The following LINGO1 variants were observed in gnomAD, a reference collection of about 807,000 sequenced individuals.
LINGO1 encodes the protein leucine-rich repeat and immunoglobulin-like domain-containing nogo receptor-interacting protein 1.
LINGO1 carries 11 observed loss-of-function variants against 37.3 expected under a neutral mutation model. That is an observed-to-expected ratio of 0.29 (90% CI 0.19 to 0.49). The LOEUF is 0.49. Among genes scored for constraint, LINGO1 ranks in the 20% least tolerant of loss-of-function variants. The pLI, the probability that LINGO1 is intolerant of heterozygous loss-of-function variation, is 0.99. For missense variants in LINGO1, 585 were observed against 878.2 expected, an observed-to-expected ratio of 0.67 and a Z score of 4.22; for synonymous variants, 387 against 403.0, an observed-to-expected ratio of 0.96 and a Z score of 0.48.
At chr15:77,754,613 G>A (rs2076402426) in intron 1 of LINGO1, among the ~76,000 whole-genome samples, 1 of 152,238 alleles carries the variant, frequency 6.6e-6, no homozygotes. Flanking sequence ...AGTGCGCAGT[G>A]GGTGGCAGTC....
intron 2 of LINGO1, among the ~76,000 whole-genome samples, chr15:77,793,631 A>T (rs2141448764): frequency 6.6e-6 from 1 of 152,368 alleles, no homozygotes; most frequent in East Asian, 1.9e-4. Flanking sequence ...GAACATCAGA[A>T]ACCATCAAAA....
At position 77,632,315 on chromosome 15, in the gene LINGO1, TCTCGGGCGCGC is replaced by T; in HGVS notation, c.-11_-1del. On this transcript the variant is annotated 5_prime_UTR_variant, in exon 1 of 2. Transcript: ENST00000355300. The surrounding 1 kb of genome is among the most constrained non-coding windows in gnomAD (Gnocchi z 6.0). ...GCCGCGGCCGCCTGGCTCACCTGCA[TCTCGGGCGCGC>T]CTTCGGTCCGCTCGGCTCGGTCACC... 1.4e-6 allele frequency: 2 copies of T among 1,440,764 alleles called. No homozygotes were observed. Among genetic ancestry groups the T allele is most frequent in the Non-Finnish European group, 1.8e-6 (2 of 1,097,938 alleles). The allele number at this position is 1,440,764 out of a possible 1,614,324, so 89.2% of individuals were successfully genotyped here.
chr15:77,677,848 C>T (rs963028043), intron 2 of LINGO1, among the ~76,000 whole-genome samples: 3 of 152,204 alleles, frequency 2.0e-5, no homozygotes, highest in African/African-American at 4.8e-5. Flanking sequence ...GACCATCCTG[C>T]CCACAACTGT....
chr15:77,717,159 C>A (rs2075994508), intron 2 of LINGO1, among the ~76,000 whole-genome samples: 1 of 150,586 alleles, frequency 6.6e-6, no homozygotes, highest in African/African-American at 2.4e-5. Context: ...GGGGTTAACT[C>A]TCTGCCGTGG....
intron 1 of LINGO1, among the ~76,000 whole-genome samples, chr15:77,626,442 A>G (rs1030000223): frequency 8.5e-5 from 13 of 152,148 alleles, no homozygotes; most frequent in Non-Finnish European, 1.5e-5. Context: ...ACTCAAATCA[A>G]TCTTGGCCAC....
At chr15:77,733,853 G>T (rs1165347609) in intron 2 of LINGO1, among the ~76,000 whole-genome samples, 3 of 148,696 alleles carry the variant, frequency 2.0e-5, no homozygotes, top group Non-Finnish European at 2.9e-5. Flanking sequence ...GAGCTGCCGA[G>T]GGCTGCACTT....
chr15:77,634,409 G>C, upstream of LINGO1: 1 of 450,862 alleles, frequency 2.2e-6, no homozygotes, highest in Non-Finnish European at 4.5e-6. Context: ...CCTAGCTAGA[G>C]TCCCTCCTAG....
At chr15:77,705,052 C>T (rs2075832879) in intron 2 of LINGO1, among the ~76,000 whole-genome samples, 1 of 152,070 alleles carries the variant, frequency 6.6e-6, no homozygotes, top group Non-Finnish European at 1.5e-5. Flanking sequence ...TAAGCCGGCT[C>T]ATCCCTGGCA....
intron 3 of LINGO1, among the ~76,000 whole-genome samples, chr15:77,640,364 T>C (rs1049488833): frequency 1.3e-5 from 2 of 152,146 alleles, no homozygotes; most frequent in African/African-American, 4.8e-5. Flanking sequence ...CGTAATTCAG[T>C]ATGGTTCAAT....
rs201735604 is a variant in LINGO1, at chr15:77,652,483, A to T, written c.-13+24606T>A. Among the ~76,000 whole-genome samples, 150 of 128,958 alleles carry T rather than the reference A, an allele frequency of 1.2e-3. 2 individuals are homozygous for T. The highest frequency in any genetic ancestry group is 9.5e-3 in the South Asian group (34 of 3,580). 84.6% of individuals were successfully genotyped at this position (128,958 alleles called of 152,430 possible). On this transcript the variant is annotated intron_variant, in intron 3 of 3. Transcript: ENST00000559893. ...CCTACAGCTGCAGCTGGGGAGGGAG[A>T]GTGTGTGTGTGTGTGTGTGTGTGTG...
intron 3 of LINGO1, among the ~76,000 whole-genome samples, chr15:77,650,463 T>C (rs1162875015): frequency 6.6e-6 from 1 of 152,212 alleles, no homozygotes; most frequent in African/African-American, 2.4e-5. Flanking sequence ...ATAGCAACCC[T>C]GGGCATCCAG....
intron 2 of LINGO1, among the ~76,000 whole-genome samples, chr15:77,725,527 C>T (rs2076093874): frequency 6.6e-6 from 1 of 152,216 alleles, no homozygotes; most frequent in East Asian, 1.9e-4. Flanking sequence ...CACACCACTG[C>T]ACTCTAGCCT....
intron 1 of LINGO1, among the ~76,000 whole-genome samples, chr15:77,809,287 A>T (rs1401571569): frequency 6.6e-6 from 1 of 152,226 alleles, no homozygotes; most frequent in Non-Finnish European, 1.5e-5. Flanking sequence ...CCCAGCAGGT[A>T]GTGATGAGGA....
At chr15:77,698,970 G>A (rs963799565), upstream of LINGO1, among the ~76,000 whole-genome samples, 5 of 152,146 alleles carry the variant, frequency 3.3e-5, no homozygotes, top group African/African-American at 1.2e-4. Context: ...TGCTCAATAG[G>A]AGGCTACGGA....
chr15:77,641,782 G>A (rs1399087761), intron 3 of LINGO1: 5 of 449,818 alleles, frequency 1.1e-5, no homozygotes, highest in Non-Finnish European at 2.2e-5. Context: ...GGCTGTGGCT[G>A]TCCCAGCACT....
intron 2 of LINGO1, among the ~76,000 whole-genome samples, chr15:77,685,847 T>A (rs747233205): frequency 2.0e-5 from 3 of 152,042 alleles, no homozygotes; most frequent in South Asian, 2.1e-4. Context: ...TGAGACCCCA[T>A]CTCTAAAAAA....
chr15:77,762,110 T>C (rs1024833368), intron 1 of LINGO1, among the ~76,000 whole-genome samples: 8 of 152,208 alleles, frequency 5.3e-5, no homozygotes, highest in African/African-American at 1.9e-4. Context: ...GCCTGAGGCT[T>C]CCTGGTACTT....
At chr15:77,749,454 C>G (rs1016641734) in intron 1 of LINGO1, among the ~76,000 whole-genome samples, 1 of 152,252 alleles carries the variant, frequency 6.6e-6, no homozygotes, top group Non-Finnish European at 1.5e-5. Context: ...CTTTTACATC[C>G]TGGCCTCACA....
intron 3 of LINGO1, among the ~76,000 whole-genome samples, chr15:77,669,779 A>G (rs1216149617): frequency 1.3e-5 from 2 of 152,278 alleles, no homozygotes; most frequent in African/African-American, 4.8e-5. Flanking sequence ...GCGAGTGGGC[A>G]GAACTCACAA....
Sources: allele counts gnomAD v4.1 joint callset (sites outside exome capture counted in the v4.1 genomes callset), GRCh38; gene constraint gnomAD v4.1.1; non-coding constraint Gnocchi (gnomAD v3.1); transcripts MANE v1.5; gene names NCBI Gene and HGNC (gene_info 2026-07-23, HGNC 2026-07-21).